FAM184B: variants seen among roughly 807,000 people sequenced by gnomAD.
The protein encoded by FAM184B is protein FAM184B.
In FAM184B, 111 loss-of-function variants were observed where a neutral mutation model predicts 135.9. That is an observed-to-expected ratio of 0.82 (90% CI 0.70 to 0.96). The LOEUF is 0.96. Ranked by LOEUF, FAM184B falls within the 40% of genes least tolerant of loss-of-function variation. The pLI is 0.00. For synonymous variants in FAM184B, 552 were observed against 524.8 expected, an observed-to-expected ratio of 1.05 and a Z score of -0.71; for missense variants, 1,375 against 1,323.9, an observed-to-expected ratio of 1.04 and a Z score of -0.60.
In FAM184B at chr4:17,684,168, TAAA is replaced by T. The variant is rs1478182305; in HGVS notation, c.1596+4253_1596+4255del. Among the ~76,000 whole-genome samples, 432 of 144,826 alleles carry T rather than the reference TAAA, an allele frequency of 3.0e-3. 2 individuals carry two copies. The highest frequency in any genetic ancestry group is 5.5e-3 in the Non-Finnish European group (366 of 66,436). On this transcript the variant is annotated intron_variant, in intron 7 of 17. Coordinates refer to ENST00000265018, the MANE Select transcript of FAM184B (RefSeq NM_015688.2). ...AATAATTATATAATAAAATATAATATAAAATAAAATAATTATATATAAAATAGT... is the reference window on the plus strand; with the variant it reads ...AATAATTATATAATAAAATATAATATATAAAATAATTATATATAAAATAGT...
At chr4:17,696,375 C>T (rs1409462678) in intron 5 of FAM184B, among the ~76,000 whole-genome samples, 2 of 152,110 alleles carry the variant, frequency 1.3e-5, no homozygotes, top group African/African-American at 4.8e-5. Context: ...CATCACTAGG[C>T]TGAGCAGAGA....
chr4:17,759,741 C>A (rs191746757), intron 1 of FAM184B, among the ~76,000 whole-genome samples: 3 of 152,104 alleles, frequency 2.0e-5, no homozygotes, highest in Non-Finnish European at 4.4e-5. Flanking sequence ...GGTGATCCAC[C>A]CACCTCAGCC....
chr4:17,723,467 C>T (rs533902059), intron 1 of FAM184B, among the ~76,000 whole-genome samples: 20 of 152,222 alleles, frequency 1.3e-4, no homozygotes, highest in South Asian at 4.1e-4. Context: ...AGTGTAGCAG[C>T]AGGTAGTTTT....
intron 1 of FAM184B, among the ~76,000 whole-genome samples, chr4:17,743,984 C>T (rs968147046): frequency 1.3e-5 from 2 of 152,140 alleles, no homozygotes; most frequent in African/African-American, 4.8e-5. Context: ...CTAATTCAGG[C>T]TGTGGGCCTA....
intron 9 of FAM184B, among the ~76,000 whole-genome samples, chr4:17,659,267 G>A (rs545659962): frequency 2.6e-5 from 4 of 151,934 alleles, no homozygotes; most frequent in South Asian, 2.1e-4. Context: ...CACCATGCCC[G>A]GTAATTTTTT....
At position 17,633,722 on chromosome 4, in the gene FAM184B, G is replaced by A. The variant is rs1172385413; in HGVS notation, c.3056C>T (p.Pro1019Leu). 6.5e-7 allele frequency: 1 copy of A among 1,548,540 alleles called. No individual in the cohort carries two copies. Among genetic ancestry groups the A allele is most frequent in the East Asian group, 2.5e-5 (1 of 40,654 alleles). The part of the protein sequence containing the change: ...PSPSCGRTYK[P>L]NQSTDAKTAT... ...AGTTTTTGCATCTGTAGACTGGTTG[G>A]GTTTGTAGGTCCGGCCACAGCTGGG... is the stretch of plus-strand genomic sequence containing the variant. The change falls in exon 17 of 18, where the codon CCC (proline) becomes CTC (leucine). Residue 1019 changes from proline to leucine, a missense_variant. Coordinates refer to ENST00000265018, the MANE Select transcript of FAM184B (RefSeq NM_015688.2).
At chr4:17,670,284 C>T (rs1401871966) in intron 7 of FAM184B, among the ~76,000 whole-genome samples, 5 of 151,920 alleles carry the variant, frequency 3.3e-5, no homozygotes, top group Non-Finnish European at 7.4e-5. Flanking sequence ...AAATAAAAGA[C>T]AAAACAAATG....
intron 7 of FAM184B, 94 bp from the exon 8 acceptor site, chr4:17,664,753 A>G (rs189690885): frequency 9.4e-7 from 1 of 1,064,216 alleles, no homozygotes; most frequent in East Asian, 2.6e-5. Context: ...CAAATCAGAG[A>G]GCAGAGAAGA....
At chr4:17,652,794 G>A (rs1002143834) in intron 11 of FAM184B, 36 bp downstream of exon 11, 2 of 1,529,158 alleles carry the variant, frequency 1.3e-6, no homozygotes, top group African/African-American at 1.4e-5. Context: ...CCCTGCAGTT[G>A]GCCAGGCCCT....
intron 1 of FAM184B, among the ~76,000 whole-genome samples, chr4:17,769,286 G>A (rs901421966): frequency 1.3e-5 from 2 of 152,002 alleles, no homozygotes; most frequent in South Asian, 4.2e-4. Context: ...CCCTTTGCAG[G>A]GGAAATCATC....
At chr4:17,744,394 G>C (rs555155656) in intron 1 of FAM184B, among the ~76,000 whole-genome samples, 1 of 151,788 alleles carries the variant, frequency 6.6e-6, no homozygotes, top group East Asian at 1.9e-4. Flanking sequence ...AGCTGAAGGC[G>C]CGAGGCAGGC....
chr4:17,666,846 G>A (rs1398042217), intron 7 of FAM184B, among the ~76,000 whole-genome samples: 4 of 151,856 alleles, frequency 2.6e-5, no homozygotes, highest in Admixed American at 6.6e-5. Flanking sequence ...TGGCACATGC[G>A]AGTCATTACT....
At chr4:17,761,153 A>C (rs916223891) in intron 1 of FAM184B, among the ~76,000 whole-genome samples, 60 of 152,318 alleles carry the variant, frequency 3.9e-4, no homozygotes, top group African/African-American at 1.4e-3. Flanking sequence ...AGCCTAAGAT[A>C]GAGCCTAGGC....
At chr4:17,762,347 C>A (rs1201862430) in intron 1 of FAM184B, among the ~76,000 whole-genome samples, 1 of 152,134 alleles carries the variant, frequency 6.6e-6, no homozygotes, top group Non-Finnish European at 1.5e-5. Flanking sequence ...CAATGACTTA[C>A]AATAAGACAC....
intron 1 of FAM184B, among the ~76,000 whole-genome samples, chr4:17,724,927 G>A (rs72619126): frequency 0.013 from 1,959 of 152,226 alleles, 105 homozygotes; most frequent in Admixed American, 0.08. Flanking sequence ...CTAAATTGAA[G>A]GGCTGACTAC....
At chr4:17,653,540 T>C (rs1016164563) in intron 10 of FAM184B, among the ~76,000 whole-genome samples, 1 of 152,106 alleles carries the variant, frequency 6.6e-6, no homozygotes, top group Non-Finnish European at 1.5e-5. Flanking sequence ...TCATTCTTTT[T>C]TTCCCTACTT....
At chr4:17,735,357 AAAAG>A (rs1326117322) in intron 1 of FAM184B, among the ~76,000 whole-genome samples, 1 of 152,152 alleles carries the variant, frequency 6.6e-6, no homozygotes, top group African/African-American at 2.4e-5. Context: ...TTAAATTAAA[AAAAG>A]AAAGTTCGAT....
At position 17,691,440 on chromosome 4, in the gene FAM184B, C is replaced by T. The variant is rs564740762; in HGVS notation, c.1488+1862G>A. Among the ~76,000 whole-genome samples the T allele has an allele frequency of 4.6e-5, 7 of 152,280 alleles. No homozygotes were observed. The East Asian group carries it at 7.7e-4, about 17-fold the overall frequency. ...GTGGCTCACGCCTGTAATCCCAGCA[C>T]TTCGGGAGGCAGAGATGGGTGGATC... is the stretch of plus-strand genomic sequence containing the variant. On this transcript the variant is annotated intron_variant, in intron 6 of 17. Transcript: ENST00000265018.
intron 1 of FAM184B, among the ~76,000 whole-genome samples, chr4:17,734,444 C>G (rs1717860528): frequency 6.6e-6 from 1 of 151,962 alleles, no homozygotes. Flanking sequence ...TGACAAAGGC[C>G]TAATATCCAG....
Sources: allele counts gnomAD v4.1 joint callset (sites outside exome capture counted in the v4.1 genomes callset), GRCh38; gene constraint gnomAD v4.1.1; transcripts MANE v1.5; gene names NCBI Gene and HGNC (gene_info 2026-07-23, HGNC 2026-07-21).